The following NCKAP5 variants were observed in gnomAD, a reference collection of about 807,000 sequenced individuals.
NCKAP5 encodes the protein NCK associated protein 5.
Under a neutral mutation model 167.0 loss-of-function variants are expected in NCKAP5, and 92 were observed. The ratio of observed to expected loss-of-function variants is 0.55; its 90% CI spans 0.47 to 0.66. The LOEUF is 0.66. NCKAP5 is among the 30% of genes least tolerant of loss of function. The pLI is 0.00. For synonymous variants in NCKAP5, 891 were observed against 877.4 expected (o/e 1.02, Z -0.27); for missense variants, 2,378 against 2,315.0 (o/e 1.03, Z -0.56).
chr2:133,124,361 T>C (rs1363458483), intron 6 of NCKAP5, among the ~76,000 whole-genome samples: 1 of 152,232 alleles, frequency 6.6e-6, no homozygotes, highest in African/African-American at 2.4e-5. Context: ...TTATTCCTGA[T>C]ATTTGGGTTG....
At chr2:133,420,200 C>A (rs56718076) in intron 3 of NCKAP5, among the ~76,000 whole-genome samples, 9 of 152,172 alleles carry the variant, frequency 5.9e-5, no homozygotes, top group African/African-American at 2.2e-4. Context: ...TTATAATAGC[C>A]AAAATGTAGA....
At chr2:132,761,031 T>C (rs564470369) in intron 16 of NCKAP5, among the ~76,000 whole-genome samples, 4 of 151,828 alleles carry the variant, frequency 2.6e-5, no homozygotes, top group Admixed American at 6.6e-5. Flanking sequence ...AGAGGAAACA[T>C]TTTCCTCCTC....
At chr2:133,089,573 A>G (rs527495518) in intron 6 of NCKAP5, among the ~76,000 whole-genome samples, 1 of 152,350 alleles carries the variant, frequency 6.6e-6, no homozygotes, top group East Asian at 1.9e-4. Context: ...TGCTCTGAAT[A>G]AAACAAAGTA....
At chr2:132,747,014 G>T (rs879780630) in intron 16 of NCKAP5, among the ~76,000 whole-genome samples, 2 of 152,194 alleles carry the variant, frequency 1.3e-5, no homozygotes, top group South Asian at 2.1e-4. Flanking sequence ...GTATTTTGGG[G>T]TGATGAAAGT....
chr2:133,115,801 A>G (rs1265518698), intron 6 of NCKAP5, among the ~76,000 whole-genome samples: 36 of 113,244 alleles, frequency 3.2e-4, no homozygotes, highest in African/African-American at 1.3e-3. Context: ...ATATATATAT[A>G]TATATATATA....
chr2:133,349,063 C>T (rs536072129), intron 3 of NCKAP5, among the ~76,000 whole-genome samples: 6 of 152,296 alleles, frequency 3.9e-5, no homozygotes, highest in African/African-American at 9.6e-5. Flanking sequence ...CTCTATCTTA[C>T]ACTCCTTAAC....
At chr2:133,389,466 T>C (rs1359859273) in intron 3 of NCKAP5, among the ~76,000 whole-genome samples, 1 of 152,166 alleles carries the variant, frequency 6.6e-6, no homozygotes, top group Non-Finnish European at 1.5e-5. Flanking sequence ...ATGAGTAGCC[T>C]GAGAACTGTT....
chr2:133,556,326 T>C (rs1479470065), intron 2 of NCKAP5, among the ~76,000 whole-genome samples: 4 of 152,250 alleles, frequency 2.6e-5, no homozygotes, highest in Non-Finnish European at 4.4e-5. Context: ...ATTTAGCCAT[T>C]TCTAATATGA....
intron 4 of NCKAP5, among the ~76,000 whole-genome samples, chr2:133,273,807 T>C (rs543629214): frequency 1.3e-5 from 2 of 149,726 alleles, no homozygotes; most frequent in African/African-American, 4.9e-5. Flanking sequence ...CAAAAAAAAA[T>C]TTGGGGGAAG....
chr2:132,751,125 G>A (rs1261346536), intron 16 of NCKAP5, among the ~76,000 whole-genome samples: 1 of 150,938 alleles, frequency 6.6e-6, no homozygotes, highest in Non-Finnish European at 1.5e-5. Context: ...GTCTTGGTGG[G>A]AGGCGTTTGG....
At chr2:133,312,770 A>G (rs1259998689) in intron 3 of NCKAP5, among the ~76,000 whole-genome samples, 44 of 152,226 alleles carry the variant, frequency 2.9e-4, no homozygotes. Context: ...TTGTTACTGT[A>G]CACCTAGCCT....
intron 12 of NCKAP5, among the ~76,000 whole-genome samples, chr2:132,792,059 G>GTT (rs1190111675): frequency 6.6e-6 from 1 of 152,046 alleles, no homozygotes; most frequent in Non-Finnish European, 1.5e-5. Context: ...GTTTTGTTTT[G>GTT]TTTTGTTTTT....
intron 6 of NCKAP5, among the ~76,000 whole-genome samples, chr2:133,115,542 T>C (rs1468194092): frequency 2.0e-5 from 3 of 151,982 alleles, no homozygotes; most frequent in African/African-American, 7.2e-5. Context: ...TTATTAAACA[T>C]GTAAGTATTT....
chr2:133,323,946 A>G lies in NCKAP5; in HGVS notation c.70-20836T>C, dbSNP rs74690363. Among the ~76,000 whole-genome samples, 1,419 of 152,308 alleles carry G rather than the reference A, an allele frequency of 9.3e-3. 8 individuals are homozygous for G. The highest frequency in any genetic ancestry group is 0.014 in the Middle Eastern group (4 of 294). ...CATCAGCAATTTGGTGTTATGTCCC[A>G]AGAAATTCCCCAAAACTCCTGGGAT... On this transcript the variant is annotated intron_variant, in intron 3 of 19. Coordinates refer to ENST00000409261, the MANE Select transcript of NCKAP5 (RefSeq NM_207363.3).
At chr2:133,266,994 G>C (rs561091640) in intron 4 of NCKAP5, among the ~76,000 whole-genome samples, 1 of 151,880 alleles carries the variant, frequency 6.6e-6, no homozygotes, top group Non-Finnish European at 1.5e-5. Context: ...GCTTAGGATC[G>C]GCGCTGTCAA....
At chr2:133,600,410 A>G in the NCKAP5 span, among the ~76,000 whole-genome samples, 1 of 152,186 alleles carries the variant, frequency 6.6e-6, no homozygotes, top group African/African-American at 2.4e-5. Context: ...AGAAAAATTC[A>G]GTCCTGGCGC....
the NCKAP5 span, among the ~76,000 whole-genome samples, chr2:133,610,593 C>A: frequency 6.6e-6 from 1 of 152,058 alleles, no homozygotes; most frequent in Non-Finnish European, 1.5e-5. Context: ...CAGGCAATCC[C>A]AATATTTAGA....
At chr2:132,904,702 C>T (rs1558924215) in intron 8 of NCKAP5, among the ~76,000 whole-genome samples, 1 of 152,154 alleles carries the variant, frequency 6.6e-6, no homozygotes, top group Non-Finnish European at 1.5e-5. Flanking sequence ...ACAAAATATC[C>T]TCTTTTCTTA....
At chr2:133,599,042 A>G in the NCKAP5 span, among the ~76,000 whole-genome samples, 1 of 152,198 alleles carries the variant, frequency 6.6e-6, no homozygotes, top group Non-Finnish European at 1.5e-5. Flanking sequence ...ACTCTTTGTA[A>G]GGACTGTCAT....
Sources: gnomAD v4.1 joint callset for allele counts (sites outside exome capture counted in the v4.1 genomes callset) on GRCh38, gnomAD v4.1.1 for gene constraint, MANE v1.5 for transcripts, NCBI Gene and HGNC (gene_info 2026-07-23, HGNC 2026-07-21) for gene names.